Variants in SEC22A observed in about 807,000 individuals in gnomAD.
SEC22A encodes the protein vesicle-trafficking protein SEC22a.
In SEC22A, 22 loss-of-function variants were observed where a neutral mutation model predicts 35.3. The ratio of observed to expected loss-of-function variants is 0.62; its 90% CI spans 0.45 to 0.89. SEC22A has a LOEUF of 0.89. Among genes scored for constraint, SEC22A ranks in the 40% least tolerant of loss-of-function variants. The pLI is 0.00. For missense variants in SEC22A, 354 were observed against 362.5 expected (o/e 0.98, Z 0.19); for synonymous variants, 119 against 129.5 (o/e 0.92, Z 0.55).
At chr3:123,267,355 A>T (rs914008921) in intron 6 of SEC22A, among the ~76,000 whole-genome samples, 2 of 148,724 alleles carry the variant, frequency 1.3e-5, no homozygotes, top group African/African-American at 5.0e-5. Context: ...GTTTATCTGT[A>T]GTATTTTTTA....
intron 4 of SEC22A, among the ~76,000 whole-genome samples, chr3:123,237,570 A>C (rs1280899555): frequency 6.6e-6 from 1 of 152,218 alleles, no homozygotes; most frequent in East Asian, 1.9e-4. Flanking sequence ...GGGGGAGCTC[A>C]AAAACTTCCA....
chr3:123,211,635 T>C (rs1196591240), intron 2 of SEC22A, among the ~76,000 whole-genome samples: 1 of 152,094 alleles, frequency 6.6e-6, no homozygotes, highest in African/African-American at 2.4e-5. Context: ...ATTTTTTTAT[T>C]TTTAGTAGGG....
intron 4 of SEC22A, among the ~76,000 whole-genome samples, chr3:123,239,245 G>A (rs1401538346): frequency 6.6e-6 from 1 of 152,148 alleles, no homozygotes; most frequent in African/African-American, 2.4e-5. Flanking sequence ...GGGTCAGGAG[G>A]CAGAGGGAGC....
chr3:123,257,419 A>G (rs1445397941), intron 5 of SEC22A, among the ~76,000 whole-genome samples: 1 of 152,232 alleles, frequency 6.6e-6, no homozygotes, highest in Non-Finnish European at 1.5e-5. Flanking sequence ...ATTTAAGGCC[A>G]GGCACGGTGG....
rs757793452 is a variant in SEC22A at position 123,209,371 on chromosome 3, A to T, written c.154A>T (p.Thr52Ser). Residue 52 changes from threonine (T) to serine (S), a missense_variant, in exon 2 of 7, where the codon ACA becomes TCA. Coordinates refer to ENST00000492595, the MANE Select transcript of SEC22A (RefSeq NM_012430.5). ...ACTTGCTCAACTTCCTGATAGATGT[A>T]CACTGAAAACTGGACATTATAACAT... Reference protein sequence around the residue: ...RKLAQLPDRCTLKTGHYNINF... With the variant: ...RKLAQLPDRCSLKTGHYNINF... 1.2e-6 allele frequency: 2 copies of T among 1,613,716 alleles called. No individual in the cohort carries two copies. The highest frequency in any genetic ancestry group is 8.5e-7 in the Non-Finnish European group (1 of 1,179,668).
At chr3:123,236,836 T>C (rs888112760) in intron 4 of SEC22A, among the ~76,000 whole-genome samples, 17 of 148,938 alleles carry the variant, frequency 1.1e-4, no homozygotes, top group South Asian at 4.3e-4. Flanking sequence ...CACGCACACA[T>C]ATGCACGATC....
At chr3:123,203,172 T>C (rs879556905) in intron 1 of SEC22A, among the ~76,000 whole-genome samples, 3 of 149,024 alleles carry the variant, frequency 2.0e-5, no homozygotes, top group Non-Finnish European at 3.0e-5. Context: ...CCTGTGACCT[T>C]CCTTGAGTGT....
In SEC22A at chr3:123,257,995, G is replaced by GA. The variant is rs61068587; in HGVS notation, c.658-1516dup. 9.7e-3 allele frequency among the ~76,000 whole-genome samples: 1,084 copies of GA among 111,430 alleles called. 16 individuals are homozygous for GA. Among genetic ancestry groups the GA allele is most frequent in the African/African-American group, 0.029 (945 of 32,112 alleles). The allele number at this position is 111,430 out of a possible 152,430, so 73.1% of individuals were successfully genotyped here. A position where few individuals can be genotyped will look rare whatever the true frequency, so the allele number is the denominator to read the frequency against. On this transcript the variant is annotated intron_variant, in intron 5 of 6. Coordinates refer to ENST00000492595, the MANE Select transcript of SEC22A (RefSeq NM_012430.5). ...TGACAGAGCAAGACTCCATCTCATT[G>GA]AAAAAAAAAAAAAGGAAGGAAGGAA... is the stretch of plus-strand genomic sequence containing the variant.
At chr3:123,213,402 A>T (rs1404626958) in intron 2 of SEC22A, among the ~76,000 whole-genome samples, 1 of 152,220 alleles carries the variant, frequency 6.6e-6, no homozygotes, top group African/African-American at 2.4e-5. Context: ...CTGTAGCAAC[A>T]TCATAGCACA....
At position 123,242,110 on chromosome 3, in the gene SEC22A, C is replaced by T. The variant is rs182661776; in HGVS notation, c.542-3789C>T. ...CCTTCCTAGGTTTCACTTGATTCTCCTGCATCTGCCTTCCCTGACTCTTCT... is the reference window on the plus strand; with the variant it reads ...CCTTCCTAGGTTTCACTTGATTCTCTTGCATCTGCCTTCCCTGACTCTTCT... On this transcript the variant is annotated intron_variant, in intron 4 of 6. Coordinates refer to ENST00000492595, the MANE Select transcript of SEC22A (RefSeq NM_012430.5). Among the ~76,000 whole-genome samples, 17 of 152,224 alleles carry T rather than the reference C, an allele frequency of 1.1e-4. No homozygotes were observed. In the East Asian group the frequency reaches 2.9e-3, roughly 26 times the overall value.
chr3:123,202,752 A>G (rs1006992906), intron 1 of SEC22A, among the ~76,000 whole-genome samples: 3 of 152,162 alleles, frequency 2.0e-5, no homozygotes, highest in Admixed American at 6.5e-5. Flanking sequence ...AGTCCCTCCT[A>G]TGCCTATTCA....
chr3:123,246,143 C>A, intron 5 of SEC22A, 129 bp downstream of exon 5: 2 of 564,590 alleles, frequency 3.5e-6, no homozygotes, highest in Non-Finnish European at 6.3e-6. Flanking sequence ...TTTTTTATAT[C>A]TGCTTTAGCC....
intron 5 of SEC22A, among the ~76,000 whole-genome samples, chr3:123,250,404 C>T (rs907486537): frequency 2.0e-5 from 3 of 146,722 alleles, no homozygotes; most frequent in South Asian, 2.2e-4. Context: ...AGTGAGACTC[C>T]GTCTCAAAAA....
chr3:123,236,720 C>A (rs975999753), intron 4 of SEC22A, among the ~76,000 whole-genome samples: 2 of 151,986 alleles, frequency 1.3e-5, no homozygotes, highest in African/African-American at 4.8e-5. Context: ...ATGTCTACAA[C>A]AAGATTTTGA....
chr3:123,207,814 G>A (rs939728999), intron 1 of SEC22A, among the ~76,000 whole-genome samples: 6 of 152,104 alleles, frequency 3.9e-5, no homozygotes, highest in Non-Finnish European at 7.3e-5. Context: ...ATCTGTTTTT[G>A]TAAAGCAAGA....
intron 1 of SEC22A, among the ~76,000 whole-genome samples, chr3:123,202,881 T>C (rs548622898): frequency 1.3e-5 from 2 of 152,054 alleles, no homozygotes; most frequent in African/African-American, 4.8e-5. Context: ...GTTACTGATA[T>C]TTGCTTACAT....
intron 4 of SEC22A, among the ~76,000 whole-genome samples, chr3:123,226,866 A>G (rs1937226096): frequency 6.6e-6 from 1 of 152,180 alleles, no homozygotes; most frequent in Non-Finnish European, 1.5e-5. Flanking sequence ...TTTAAGTCTA[A>G]TCCATTTTGA....
At chr3:123,238,933 T>C (rs1937476478) in intron 4 of SEC22A, among the ~76,000 whole-genome samples, 1 of 152,216 alleles carries the variant, frequency 6.6e-6, no homozygotes, top group Non-Finnish European at 1.5e-5. Context: ...ATAAACAGAA[T>C]GGTATAATTA....
Position 123,271,750 on chromosome 3 carries a change from C to T in SEC22A, c.*28C>T. ...CCATCCTTCAGATCTATTGCCTTGGCTTCAGGGGGATAAGGAGGGAACATA... is the reference window on the plus strand; with the variant it reads ...CCATCCTTCAGATCTATTGCCTTGGTTTCAGGGGGATAAGGAGGGAACATA... On this transcript the variant is annotated 3_prime_UTR_variant, in exon 7 of 7. Coordinates refer to ENST00000492595, the MANE Select transcript of SEC22A (RefSeq NM_012430.5). The T allele has an allele frequency of 6.3e-7, 1 of 1,586,168 alleles. No individual in the cohort carries two copies. Among genetic ancestry groups the T allele is most frequent in the South Asian group, 1.1e-5 (1 of 90,374 alleles).
Sources: gnomAD v4.1 joint callset for allele counts (sites outside exome capture counted in the v4.1 genomes callset) on GRCh38, gnomAD v4.1.1 for gene constraint, MANE v1.5 for transcripts, NCBI Gene and HGNC (gene_info 2026-07-23, HGNC 2026-07-21) for gene names.